The following RUNX2 variants were observed in gnomAD, a reference collection of about 807,000 sequenced individuals.
The protein encoded by RUNX2 is RUNX family transcription factor 2.
Under a neutral mutation model 51.7 loss-of-function variants are expected in RUNX2, and 10 were observed. The ratio of observed to expected loss-of-function variants is 0.19; its 90% confidence interval spans 0.12 to 0.33. RUNX2 has a LOEUF of 0.33. Among genes scored for constraint, RUNX2 ranks in the 10% least tolerant of loss-of-function variants. The pLI is 1.00. For missense variants in RUNX2, 562 were observed against 691.3 expected (o/e 0.81, Z 2.10); for synonymous variants, 276 against 273.6 (o/e 1.01, Z -0.09).
At chr6:45,376,858 C>G (rs1443953440) in intron 2 of RUNX2, among the ~76,000 whole-genome samples, 1 of 151,756 alleles carries the variant, frequency 6.6e-6, no homozygotes, top group Non-Finnish European at 1.5e-5. Flanking sequence ...TACATACATA[C>G]ATATATACAC....
intron 5 of RUNX2, among the ~76,000 whole-genome samples, chr6:45,490,890 T>G (rs1237114580): frequency 6.6e-6 from 1 of 152,126 alleles, no homozygotes; most frequent in African/African-American, 2.4e-5. Flanking sequence ...GAGGAAGGAA[T>G]CCCCAGTCCA....
chr6:45,440,028 G>T (rs1421348199), intron 5 of RUNX2, among the ~76,000 whole-genome samples: 2 of 152,216 alleles, frequency 1.3e-5, no homozygotes, highest in Non-Finnish European at 2.9e-5. Flanking sequence ...GCTTTGTGTG[G>T]TGCCCAGGGT....
intron 2 of RUNX2, among the ~76,000 whole-genome samples, chr6:45,414,485 CAA>C (rs764692185): frequency 6.6e-6 from 1 of 152,132 alleles, no homozygotes; most frequent in Non-Finnish European, 1.5e-5. Context: ...GCTGTATTTA[CAA>C]ACTTGTAAGT....
intron 2 of RUNX2, among the ~76,000 whole-genome samples, chr6:45,378,222 G>T (rs544558310): frequency 1.3e-5 from 2 of 152,354 alleles, no homozygotes; most frequent in South Asian, 4.1e-4. Flanking sequence ...GACGAGCTGA[G>T]ATCGGTCAGG....
chr6:45,481,278 G>A (rs1159417034), intron 5 of RUNX2, among the ~76,000 whole-genome samples: 1 of 152,178 alleles, frequency 6.6e-6, no homozygotes, highest in African/African-American at 2.4e-5. Flanking sequence ...TGCCATCCAT[G>A]TTTAGCTGGA....
intron 5 of RUNX2, among the ~76,000 whole-genome samples, chr6:45,477,269 C>T (rs551343806): frequency 1.3e-5 from 2 of 152,298 alleles, no homozygotes; most frequent in Admixed American, 6.5e-5. Context: ...ACACTTTTCT[C>T]CACTCGTTCT....
chr6:45,364,855 T>C (rs1179298116), intron 2 of RUNX2, among the ~76,000 whole-genome samples: 1 of 152,130 alleles, frequency 6.6e-6, no homozygotes, highest in Non-Finnish European at 1.5e-5. Flanking sequence ...TCCAAGAATA[T>C]AATCAGTCTC....
In RUNX2 at chr6:45,542,271, T is replaced by C. The variant is rs541294220; in HGVS notation, c.1022-2946T>C. Among the ~76,000 whole-genome samples, 9 of 152,318 alleles carry C rather than the reference T, an allele frequency of 5.9e-5. No homozygotes were observed. The South Asian group carries it at 1.9e-3, about 32-fold the overall frequency. On this transcript the variant is annotated intron_variant, in intron 7 of 8. Transcript: ENST00000647337. ...ACCTTGGGAGGAGGGGCAAGATGTTTTAATTTTTATTAGTGATTTTATTTT... is the reference window on the plus strand; with the variant it reads ...ACCTTGGGAGGAGGGGCAAGATGTTCTAATTTTTATTAGTGATTTTATTTT...
intron 8 of RUNX2, among the ~76,000 whole-genome samples, chr6:45,545,755 A>T (rs1372243137): frequency 6.6e-6 from 1 of 152,214 alleles, no homozygotes; most frequent in African/African-American, 2.4e-5. Flanking sequence ...AATTCTAGAA[A>T]AATAATAATA....
chr6:45,338,698 C>G (rs1446979811), intron 2 of RUNX2, among the ~76,000 whole-genome samples: 1 of 152,056 alleles, frequency 6.6e-6, no homozygotes, highest in Non-Finnish European at 1.5e-5. Context: ...TTCAGCTATA[C>G]TATTTCGTTT....
At chr6:45,541,831 T>C (rs1415030874) in intron 7 of RUNX2, among the ~76,000 whole-genome samples, 1 of 152,198 alleles carries the variant, frequency 6.6e-6, no homozygotes, top group African/African-American at 2.4e-5. Flanking sequence ...AAGTACCCGG[T>C]CTGTTATTTT....
At chr6:45,473,329 T>C (rs564538989) in intron 5 of RUNX2, among the ~76,000 whole-genome samples, 2 of 151,940 alleles carry the variant, frequency 1.3e-5, no homozygotes, top group African/African-American at 2.4e-5. Context: ...CTTTGGGAGA[T>C]GTAGTATTTC....
chr6:45,507,532 T>C (rs1397740151), intron 6 of RUNX2, among the ~76,000 whole-genome samples: 1 of 152,210 alleles, frequency 6.6e-6, no homozygotes, highest in Non-Finnish European at 1.5e-5. Context: ...TATGTTGTAA[T>C]CATGTATTTA....
chr6:45,420,966 C>T (rs1433548839), intron 2 of RUNX2: 1 of 152,132 alleles, frequency 6.6e-6, no homozygotes, highest in Non-Finnish European at 1.5e-5. Flanking sequence ...TAAAAAGTGC[C>T]GCTTTTTTTC....
intron 6 of RUNX2, among the ~76,000 whole-genome samples, chr6:45,505,360 C>CTTTTTTTTTTTTT (rs1203690597): frequency 7.1e-6 from 1 of 139,910 alleles, no homozygotes; most frequent in African/African-American, 2.6e-5. Context: ...CCTGGGATGC[C>CTTTTTTTTTTTTT]TTTTTTTTTT....
intron 5 of RUNX2, among the ~76,000 whole-genome samples, chr6:45,460,440 A>T (rs1433864841): frequency 6.6e-6 from 1 of 152,222 alleles, no homozygotes; most frequent in Admixed American, 6.5e-5. Flanking sequence ...GATTCAAAAG[A>T]TCATTTGTTG....
chr6:45,437,161 T>A (rs549039901), intron 4 of RUNX2, among the ~76,000 whole-genome samples: 16 of 152,346 alleles, frequency 1.1e-4, no homozygotes, highest in Admixed American at 3.9e-4. Flanking sequence ...TATTCGTCGC[T>A]TTTAGCTCAT....
chr6:45,410,974 C>A (rs558631457), intron 2 of RUNX2, among the ~76,000 whole-genome samples: 1 of 152,218 alleles, frequency 6.6e-6, no homozygotes, highest in African/African-American at 2.4e-5. Flanking sequence ...TTCAGTCTAC[C>A]CAATCTTTTA....
At chr6:45,377,606 C>T (rs1241388491) in intron 2 of RUNX2, among the ~76,000 whole-genome samples, 2 of 152,128 alleles carry the variant, frequency 1.3e-5, no homozygotes, top group Non-Finnish European at 2.9e-5. Flanking sequence ...TTCAACACTC[C>T]GGCGTAGACC....
Sources: gnomAD v4.1 joint callset for allele counts (sites outside exome capture counted in the v4.1 genomes callset) on GRCh38, gnomAD v4.1.1 for gene constraint, MANE v1.5 for transcripts, NCBI Gene and HGNC (gene_info 2026-07-23, HGNC 2026-07-21) for gene names.